GPR158: variants seen among roughly 807,000 people sequenced by gnomAD.
The protein encoded by GPR158 is metabotropic glycine receptor.
In GPR158, 30 loss-of-function variants were observed where a neutral mutation model predicts 78.2. The observed-to-expected ratio is 0.38, with a 90% CI of 0.29 to 0.52. The LOEUF is 0.52. Ranked by LOEUF, GPR158 falls within the 20% of genes least tolerant of loss-of-function variation. The pLI, the probability that GPR158 is intolerant of heterozygous loss-of-function variation, is 0.83. For missense variants in GPR158, 1,463 were observed against 1,523.5 expected, an observed-to-expected ratio of 0.96 and a Z score of 0.66; for synonymous variants, 581 against 591.1, an observed-to-expected ratio of 0.98 and a Z score of 0.25.
At chr10:25,589,324 T>C (rs1335167275) in intron 8 of GPR158, among the ~76,000 whole-genome samples, 179 bp downstream of exon 8, 1 of 152,254 alleles carries the variant, frequency 6.6e-6, no homozygotes, top group Non-Finnish European at 1.5e-5. Flanking sequence ...GCTGTTGTTC[T>C]TAGTTCCTTC....
chr10:25,209,490 T>C (rs1853098887), intron 1 of GPR158, among the ~76,000 whole-genome samples: 1 of 152,152 alleles, frequency 6.6e-6, no homozygotes, highest in Non-Finnish European at 1.5e-5. Flanking sequence ...CCAGAATCTT[T>C]TAAAGAGTGA....
At chr10:25,554,230 C>T (rs1836760027) in intron 6 of GPR158, among the ~76,000 whole-genome samples, 1 of 152,112 alleles carries the variant, frequency 6.6e-6, no homozygotes, top group Non-Finnish European at 1.5e-5. Context: ...TTCCACTTTT[C>T]ATTTCAAGGT....
At chr10:25,413,133 C>A (rs549368846) in intron 4 of GPR158, among the ~76,000 whole-genome samples, 1 of 151,772 alleles carries the variant, frequency 6.6e-6, no homozygotes, top group Non-Finnish European at 1.5e-5. Context: ...CCAGCCTGAC[C>A]AACATAGCAA....
At chr10:25,257,619 A>G (rs1257563991) in intron 2 of GPR158, among the ~76,000 whole-genome samples, 1 of 152,212 alleles carries the variant, frequency 6.6e-6, no homozygotes, top group Non-Finnish European at 1.5e-5. Flanking sequence ...TAATTTATTC[A>G]AAATAATTTC....
At chr10:25,424,421 C>T (rs986450422) in intron 4 of GPR158, among the ~76,000 whole-genome samples, 3 of 151,888 alleles carry the variant, frequency 2.0e-5, no homozygotes, top group African/African-American at 7.3e-5. Context: ...GCTTTTGTTG[C>T]CATTGCTTTT....
chr10:25,372,458 C>T (rs572884944), intron 2 of GPR158, among the ~76,000 whole-genome samples: 1 of 143,816 alleles, frequency 7.0e-6, no homozygotes, highest in South Asian at 2.3e-4. Context: ...GGAACCAACC[C>T]AAATGTCCAA....
At chr10:25,224,009 A>G (rs1853337754) in intron 2 of GPR158, among the ~76,000 whole-genome samples, 1 of 152,188 alleles carries the variant, frequency 6.6e-6, no homozygotes, top group Non-Finnish European at 1.5e-5. Context: ...GTGATATGGA[A>G]CCAATGACAA....
intron 2 of GPR158, among the ~76,000 whole-genome samples, chr10:25,299,229 GGTGT>G (rs113252109): frequency 1.3e-5 from 2 of 151,118 alleles, no homozygotes; most frequent in African/African-American, 4.9e-5. Context: ...CACTTAAGTG[GGTGT>G]GTGTGTGTGT....
intron 2 of GPR158, among the ~76,000 whole-genome samples, chr10:25,375,588 GTT>G (rs1169452883): frequency 6.6e-6 from 1 of 151,150 alleles, no homozygotes; most frequent in Non-Finnish European, 1.5e-5. Context: ...GTTTTCTTTT[GTT>G]TTGTTTTTTG....
intron 1 of GPR158, among the ~76,000 whole-genome samples, chr10:25,193,149 A>G (rs1042639856): frequency 1.3e-5 from 2 of 152,218 alleles, no homozygotes; most frequent in African/African-American, 4.8e-5. Flanking sequence ...AATAGTGAAG[A>G]CAACAGACAA....
chr10:25,217,393 A>G (rs1439453936), intron 1 of GPR158, among the ~76,000 whole-genome samples: 2 of 152,204 alleles, frequency 1.3e-5, no homozygotes, highest in Non-Finnish European at 2.9e-5. Flanking sequence ...GTGCCTACCC[A>G]TCCAACAGTT....
At chr10:25,224,884 AC>A (rs936019359) in intron 2 of GPR158, among the ~76,000 whole-genome samples, 7 of 152,154 alleles carry the variant, frequency 4.6e-5, no homozygotes, top group Non-Finnish European at 5.9e-5. Flanking sequence ...TTAAAAACCC[AC>A]TGAATCTCTT....
chr10:25,241,657 G>T (rs2130709177), intron 2 of GPR158, among the ~76,000 whole-genome samples: 1 of 152,154 alleles, frequency 6.6e-6, no homozygotes, highest in South Asian at 2.1e-4. Context: ...CCTGACCTCA[G>T]GTGATCCCCC....
chr10:25,263,627 G>T (rs1215580216), intron 2 of GPR158, among the ~76,000 whole-genome samples: 1 of 152,044 alleles, frequency 6.6e-6, no homozygotes, highest in Non-Finnish European at 1.5e-5. Flanking sequence ...TGGCTGTAGG[G>T]GCCATTATAT....
intron 5 of GPR158, among the ~76,000 whole-genome samples, chr10:25,497,401 A>G (rs1364014353): frequency 6.6e-6 from 1 of 152,192 alleles, no homozygotes; most frequent in South Asian, 2.1e-4. Flanking sequence ...GAGTTATGAG[A>G]AATAAGAACA....
In GPR158 at chr10:25,211,361, G is replaced by C. The variant is rs1469725242; in HGVS notation, c.903-9691G>C. 2.6e-5 allele frequency among the ~76,000 whole-genome samples: 4 copies of C among 152,252 alleles called. No individual in the cohort carries two copies. In the East Asian group the frequency reaches 7.7e-4, roughly 29 times the overall value. ...GTTTATTTGACTCACAATTCCGGAGGCCAGGAAGTCCATTGTTGGGAGGCC... is the reference window on the plus strand; with the variant it reads ...GTTTATTTGACTCACAATTCCGGAGCCCAGGAAGTCCATTGTTGGGAGGCC... On this transcript the variant is annotated intron_variant, in intron 1 of 10. Transcript: ENST00000376351.
At chr10:25,354,950 G>A (rs910382760) in intron 2 of GPR158, among the ~76,000 whole-genome samples, 1 of 151,970 alleles carries the variant, frequency 6.6e-6, no homozygotes, top group Non-Finnish European at 1.5e-5. Context: ...TCCTTTATAT[G>A]CTATTTGCTT....
At chr10:25,504,911 G>A (rs1023379186) in intron 5 of GPR158, among the ~76,000 whole-genome samples, 1 of 152,142 alleles carries the variant, frequency 6.6e-6, no homozygotes, top group Non-Finnish European at 1.5e-5. Flanking sequence ...GCAGTTCAGT[G>A]CGGAGTTGAG....
intron 3 of GPR158, among the ~76,000 whole-genome samples, chr10:25,405,498 CTTTTTTTT>C (rs59695469): frequency 8.8e-4 from 40 of 45,530 alleles, no homozygotes; most frequent in Admixed American, 1.9e-3. Flanking sequence ...AAACAATTTC[CTTTTTTTT>C]TTTTTTTTTT....
Sources: gnomAD v4.1 joint callset for allele counts (sites outside exome capture counted in the v4.1 genomes callset) on GRCh38, gnomAD v4.1.1 for gene constraint, MANE v1.5 for transcripts, NCBI Gene and HGNC (gene_info 2026-07-23, HGNC 2026-07-21) for gene names.